Variants in ADGRB3 observed in about 807,000 individuals in gnomAD.
ADGRB3 encodes the protein brain-specific angiogenesis inhibitor 3.
Under a neutral mutation model 193.4 loss-of-function variants are expected in ADGRB3, and 37 were observed. The ratio of observed to expected loss-of-function variants is 0.19; its 90% CI spans 0.15 to 0.25. The LOEUF is 0.25. Among genes scored for constraint, ADGRB3 ranks in the 10% least tolerant of loss-of-function variants. The pLI is 1.00. For missense variants in ADGRB3, 1,637 were observed against 1,852.9 expected (o/e 0.88, Z 2.14); for synonymous variants, 690 against 644.2 (o/e 1.07, Z -1.08).
intron 15 of ADGRB3, among the ~76,000 whole-genome samples, chr6:69,051,751 TTC>T (rs1396424729): frequency 7.7e-6 from 1 of 129,154 alleles, no homozygotes; most frequent in African/African-American, 2.5e-5. Flanking sequence ...ACAAGGGTGA[TTC>T]TTTTTTCTAC....
chr6:68,958,793 G>A (rs749079446), intron 8 of ADGRB3, among the ~76,000 whole-genome samples: 19 of 151,254 alleles, frequency 1.3e-4, no homozygotes, highest in East Asian at 3.9e-4. Flanking sequence ...TATAGATACC[G>A]TTTTCATAAT....
chr6:68,651,036 C>G (rs1582098131), intron 3 of ADGRB3, among the ~76,000 whole-genome samples: 1 of 152,206 alleles, frequency 6.6e-6, no homozygotes, highest in East Asian at 1.9e-4. Flanking sequence ...AATCTGTTTA[C>G]TTTATATAAT....
At chr6:68,982,930 CT>C (rs1768965256) in intron 10 of ADGRB3, among the ~76,000 whole-genome samples, 1 of 151,454 alleles carries the variant, frequency 6.6e-6, no homozygotes, top group African/African-American at 2.4e-5. Flanking sequence ...AAATATTTGG[CT>C]TACCTCAGAA....
intron 3 of ADGRB3, among the ~76,000 whole-genome samples, chr6:68,875,931 A>G (rs903911683): frequency 6.6e-6 from 1 of 152,142 alleles, no homozygotes; most frequent in Non-Finnish European, 1.5e-5. Flanking sequence ...CATATACTGT[A>G]TGTTTAAGAT....
At chr6:68,683,190 T>C (rs559880549) in intron 3 of ADGRB3, among the ~76,000 whole-genome samples, 2 of 152,308 alleles carry the variant, frequency 1.3e-5, no homozygotes, top group Non-Finnish European at 2.9e-5. Context: ...GTTGGGTACA[T>C]GTACCTATAC....
intron 13 of ADGRB3, among the ~76,000 whole-genome samples, chr6:69,029,406 T>C (rs1289517805): frequency 6.6e-6 from 1 of 152,232 alleles, no homozygotes; most frequent in East Asian, 1.9e-4. Context: ...AGCAACTGTT[T>C]AGGAGAGAGG....
rs1229319999 is a variant in ADGRB3 at position 68,661,305 on chromosome 6, A to ATG, written c.757+21893_757+21894dup. Among the ~76,000 whole-genome samples, 691 of 96,710 alleles carry ATG rather than the reference A, an allele frequency of 7.1e-3. 27 individuals carry two copies. Among genetic ancestry groups the ATG allele is most frequent in the East Asian group, 0.015 (55 of 3,588 alleles). The allele number at this position is 96,710 out of a possible 152,430, so 63.4% of individuals were successfully genotyped here. ...ATAGGTGGCCAAAATATATATATAT[A>ATG]TGTGTGTGTGTGTGTGTGTGTATAT... On this transcript the variant is annotated intron_variant, in intron 3 of 31. Coordinates refer to ENST00000370598, the MANE Select transcript of ADGRB3 (RefSeq NM_001704.3).
At chr6:68,951,877 G>C (rs1767930142) in intron 6 of ADGRB3, among the ~76,000 whole-genome samples, 1 of 152,086 alleles carries the variant, frequency 6.6e-6, no homozygotes, top group Middle Eastern at 3.2e-3. Flanking sequence ...AAAAAGTCAA[G>C]CCTGCCTGCA....
At chr6:69,032,820 A>G (rs559467973) in intron 13 of ADGRB3, among the ~76,000 whole-genome samples, 36 of 152,204 alleles carry the variant, frequency 2.4e-4, no homozygotes, top group Non-Finnish European at 4.4e-4. Context: ...GGAGTTAGAC[A>G]TCTGGCTGCA....
chr6:68,872,621 C>T (rs1186448787), intron 3 of ADGRB3, among the ~76,000 whole-genome samples: 2 of 152,072 alleles, frequency 1.3e-5, no homozygotes, highest in Admixed American at 1.3e-4. Context: ...AAATGATTGG[C>T]CCTTGTGAAT....
chr6:69,269,480 A>G (rs188853035), intron 20 of ADGRB3, among the ~76,000 whole-genome samples: 341 of 152,314 alleles, frequency 2.2e-3, no homozygotes, highest in Middle Eastern at 0.014. Context: ...GCATGTTCAA[A>G]ATTAGTTATA....
At chr6:69,203,013 G>A (rs1391637072) in intron 17 of ADGRB3, among the ~76,000 whole-genome samples, 1 of 151,966 alleles carries the variant, frequency 6.6e-6, no homozygotes, top group Non-Finnish European at 1.5e-5. Flanking sequence ...AATATTATGT[G>A]AAAATTAAAA....
intron 3 of ADGRB3, 92 bp downstream of exon 3, chr6:68,639,524 T>C (rs995061347): frequency 1.5e-6 from 2 of 1,365,796 alleles, no homozygotes; most frequent in South Asian, 1.5e-5. Flanking sequence ...CCTAATTATT[T>C]ATCCTTTATT....
chr6:69,040,976 T>C (rs1422139013), intron 13 of ADGRB3, among the ~76,000 whole-genome samples: 1 of 152,186 alleles, frequency 6.6e-6, no homozygotes, highest in African/African-American at 2.4e-5. Context: ...GTTTCCCATC[T>C]AAAGCTCTGT....
At chr6:69,309,682 G>T (rs545457995) in intron 20 of ADGRB3, among the ~76,000 whole-genome samples, 1 of 151,654 alleles carries the variant, frequency 6.6e-6, no homozygotes, top group African/African-American at 2.4e-5. Context: ...ATGTATCAAG[G>T]GTTCTCTTCC....
intron 3 of ADGRB3, among the ~76,000 whole-genome samples, chr6:68,813,684 C>T (rs1361051538): frequency 6.6e-6 from 1 of 151,872 alleles, no homozygotes; most frequent in Non-Finnish European, 1.5e-5. Context: ...TTAGGTATAT[C>T]TCCTAATGCT....
chr6:69,252,179 C>T (rs1051793160), intron 20 of ADGRB3, among the ~76,000 whole-genome samples: 1 of 152,020 alleles, frequency 6.6e-6, no homozygotes, highest in Non-Finnish European at 1.5e-5. Context: ...CTTCTGGCCT[C>T]TTTTGCTCAA....
chr6:68,713,594 C>T (rs2127318126), intron 3 of ADGRB3, among the ~76,000 whole-genome samples: 1 of 151,332 alleles, frequency 6.6e-6, no homozygotes, highest in African/African-American at 2.4e-5. Context: ...ACTTTAATTA[C>T]ACTTCCCTTT....
intron 6 of ADGRB3, among the ~76,000 whole-genome samples, chr6:68,944,668 A>G (rs1184683441): frequency 1.3e-5 from 2 of 152,282 alleles, no homozygotes; most frequent in East Asian, 3.9e-4. Context: ...GGAAGCCTTC[A>G]CAATGCTGTC....
Sources: gnomAD v4.1 joint callset for allele counts (sites outside exome capture counted in the v4.1 genomes callset) on GRCh38, gnomAD v4.1.1 for gene constraint, MANE v1.5 for transcripts, NCBI Gene and HGNC (gene_info 2026-07-23, HGNC 2026-07-21) for gene names.